MAP1LC3A: variants seen among roughly 807,000 people sequenced by gnomAD.
MAP1LC3A encodes microtubule-associated protein 1 light chain 3 alpha.
In MAP1LC3A, 10 loss-of-function variants were observed where a neutral mutation model predicts 15.2. The observed-to-expected ratio is 0.66, with a 90% CI of 0.41 to 1.12. The LOEUF is 1.12. MAP1LC3A is among the 50% of genes most tolerant of loss of function. The pLI, the probability that MAP1LC3A is intolerant of heterozygous loss-of-function variation, is 0.00. For synonymous variants in MAP1LC3A, 63 were observed against 64.3 expected (o/e 0.98, Z 0.10); for missense variants, 138 against 167.3 (o/e 0.82, Z 0.97).
chr20:34,559,635 T>G (rs1600574628), intron 3 of MAP1LC3A, 101 bp from the exon 4 acceptor site: 8 of 1,346,962 alleles, frequency 5.9e-6, no homozygotes, highest in Non-Finnish European at 8.2e-6. Flanking sequence ...ACAGCTGGGG[T>G]GAGAATGGGT....
intron 3 of MAP1LC3A, 47 bp downstream of exon 3, chr20:34,559,500 G>A: frequency 1.3e-6 from 2 of 1,546,840 alleles, no homozygotes; most frequent in African/African-American, 1.4e-5. Context: ...CGGGAGGGGA[G>A]CCGGGTTCCC....
At chr20:34,559,059 C>A (rs1049425814) in intron 1 of MAP1LC3A, 149 bp from the exon 2 acceptor site, 41 of 1,326,784 alleles carry the variant, frequency 3.1e-5, no homozygotes, top group Middle Eastern at 5.6e-4. Context: ...CCCGCTTCCC[C>A]ACCGCGATAG....
chr20:34,558,177 T>C (rs932241323), upstream of MAP1LC3A: 15 of 976,262 alleles, frequency 1.5e-5, no homozygotes, highest in Non-Finnish European at 1.7e-5. The surrounding 1 kb of genome is among the most constrained non-coding windows in gnomAD (Gnocchi z 4.3). Flanking sequence ...TCTCTTCTGT[T>C]GTCCTTTTCT....
chr20:34,555,320 T>C (rs577075866), upstream of MAP1LC3A, among the ~76,000 whole-genome samples: 12 of 152,118 alleles, frequency 7.9e-5, no homozygotes, highest in South Asian at 2.3e-3. Context: ...AACTTCTGTA[T>C]TTTTAGTAGA....
At position 34,551,467 on chromosome 20, in the gene MAP1LC3A, C is replaced by CTTT. The variant is rs58191574; in HGVS notation, c.52+1458_52+1460dup. On this transcript the variant is annotated intron_variant, in intron 2 of 4. Coordinates refer to the MAP1LC3A transcript ENST00000374837. ...GGAACCTTCCAAGGGGAACGCTGTC[C>CTTT]TTTTTTTTTTTTTTTTTTTTTTGAG... Among the ~76,000 whole-genome samples the CTTT allele has an allele frequency of 9.9e-3, 1,032 of 104,718 alleles. 24 individuals are homozygous for CTTT. The highest frequency in any genetic ancestry group is 0.014 in the East Asian group (47 of 3,336). 68.7% of individuals were successfully genotyped at this position (104,718 alleles called of 152,430 possible).
At chr20:34,556,032 C>T (rs570696044), upstream of MAP1LC3A, among the ~76,000 whole-genome samples, 90 of 151,532 alleles carry the variant, frequency 5.9e-4, no homozygotes, top group Non-Finnish European at 1.1e-3. Context: ...TTAGTAGAGA[C>T]GGGGTTTCAC....
rs973989191 is a variant in MAP1LC3A, at chr20:34,559,992, G to C, written c.*94G>C. 7.3e-7 allele frequency: 1 copy of C among 1,375,070 alleles called. No homozygotes were observed. Among genetic ancestry groups the C allele is most frequent in the East Asian group, 2.4e-5 (1 of 41,508 alleles). The allele number at this position is 1,375,070 out of a possible 1,614,324, so 85.2% of individuals were successfully genotyped here. A position where few individuals can be genotyped will look rare whatever the true frequency, so the allele number is the denominator to read the frequency against. Reference sequence around the variant, plus strand: ...GTTCCTGAACTGAGCTGCCTCTACCGTGGTGGGCTGGGCAGGCATGTGCCC... The same window carrying C: ...GTTCCTGAACTGAGCTGCCTCTACCCTGGTGGGCTGGGCAGGCATGTGCCC... On this transcript the variant is annotated 3_prime_UTR_variant, in exon 4 of 4. Coordinates refer to ENST00000360668, the MANE Select transcript of MAP1LC3A (RefSeq NM_032514.4).
intron 1 of MAP1LC3A, among the ~76,000 whole-genome samples, chr20:34,549,127 G>A (rs535644709): frequency 3.3e-5 from 5 of 152,368 alleles, no homozygotes; most frequent in Admixed American, 1.3e-4. Context: ...CCGGGTTCAA[G>A]TGATTCTTCT....
intron 2 of MAP1LC3A, among the ~76,000 whole-genome samples, chr20:34,550,524 C>T (rs1184552123): frequency 6.6e-6 from 1 of 152,212 alleles, no homozygotes; most frequent in African/African-American, 2.4e-5. Flanking sequence ...CCTTCAAGGG[C>T]TTGCACTTTA....
At chr20:34,552,100 C>T (rs1036513355) in intron 2 of MAP1LC3A, among the ~76,000 whole-genome samples, 2 of 152,052 alleles carry the variant, frequency 1.3e-5, no homozygotes, top group East Asian at 3.9e-4. Flanking sequence ...CAGGTTGAAG[C>T]GATTCTCCTG....
intron 2 of MAP1LC3A, among the ~76,000 whole-genome samples, chr20:34,552,133 G>A (rs1981972338): frequency 1.3e-5 from 2 of 152,220 alleles, no homozygotes. Context: ...CAGTGGCTGG[G>A]ATTACAGGCG....
chr20:34,553,385 G>A (rs938441602), intron 2 of MAP1LC3A, among the ~76,000 whole-genome samples: 1 of 152,044 alleles, frequency 6.6e-6, no homozygotes, highest in Non-Finnish European at 1.5e-5. Flanking sequence ...GGCAGGGGAG[G>A]GACTGAAGGG....
chr20:34,552,502 A>G (rs916721570), intron 2 of MAP1LC3A, among the ~76,000 whole-genome samples: 5 of 152,238 alleles, frequency 3.3e-5, no homozygotes, highest in Admixed American at 3.3e-4. Context: ...TTCCAGGCAA[A>G]GGCCCTGGGG....
chr20:34,559,149 CAGGCGGGGCGGACCTGGGCCGG>C lies in MAP1LC3A; in HGVS notation c.41-58_41-37del. On this transcript the variant is annotated intron_variant, in intron 1 of 3. Transcript: ENST00000360668. ...GTGGCCGGGGGCCGCCCCTCCGGGA[CAGGCGGGGCGGACCTGGGCCGG>C]CCCGACCCGGCCTCACGGTCTGGCC... 4 of 1,459,814 alleles carry C rather than the reference CAGGCGGGGCGGACCTGGGCCGG, an allele frequency of 2.7e-6. No individual in the cohort carries two copies. The South Asian group carries it at 5.9e-5, about 21-fold the overall frequency. 90.4% of individuals were successfully genotyped at this position (1,459,814 alleles called of 1,614,324 possible).
chr20:34,549,112 G>A (rs568616813), intron 1 of MAP1LC3A, among the ~76,000 whole-genome samples: 21 of 152,278 alleles, frequency 1.4e-4, no homozygotes, highest in African/African-American at 4.1e-4. Context: ...TGCAACCTCC[G>A]CCTCCCGGGT....
At chr20:34,555,904 G>A (rs189204404), upstream of MAP1LC3A, among the ~76,000 whole-genome samples, 106 of 150,290 alleles carry the variant, frequency 7.1e-4, 1 homozygote, top group African/African-American at 2.2e-3. Context: ...GTGCAGTGGC[G>A]CGATCTCCAT....
chr20:34,559,219 A>G lies in MAP1LC3A; in HGVS notation c.52A>G (p.Lys18Glu). 1 of 1,602,288 alleles carries G rather than the reference A, an allele frequency of 6.2e-7. No homozygotes were observed. Among genetic ancestry groups the G allele is most frequent in the Non-Finnish European group, 8.5e-7 (1 of 1,175,704 alleles). ...KQRRSFADRC[K>E]EVQQIRDQHP... is the part of the protein sequence containing the mutation. ...GCCGCTGTCCGCAGCCGACCGCTGT[A>G]AGGAGGTACAGCAGATCCGCGACCA... is the stretch of plus-strand genomic sequence containing the variant. The change falls in exon 2 of 4, where the codon AAG (lysine) becomes GAG (glutamate). Residue 18 changes from lysine to glutamate, a missense_variant. Physicochemically the swap from Lys to Glu is moderately conservative, Grantham distance 56. Coordinates refer to ENST00000360668, the MANE Select transcript of MAP1LC3A (RefSeq NM_032514.4).
At chr20:34,558,525 G>A, upstream of MAP1LC3A, 9 of 1,092,994 alleles carry the variant, frequency 8.2e-6, no homozygotes, top group Non-Finnish European at 1.0e-5. This position sits in a 1 kb window ranked among gnomAD's most constrained non-coding sequence, Gnocchi z 4.3. Flanking sequence ...CGGGCTGCGG[G>A]AGAAGCTCCC....
chr20:34,549,863 G>A, intron 1 of MAP1LC3A: 1 of 822,752 alleles, frequency 1.2e-6, no homozygotes, highest in Non-Finnish European at 2.1e-6. Context: ...AGTCCCTCCT[G>A]CCTCCTGCCT....
Sources: gnomAD v4.1 joint callset for allele counts (sites outside exome capture counted in the v4.1 genomes callset) on GRCh38, gnomAD v4.1.1 for gene constraint, Gnocchi (gnomAD v3.1) non-coding constraint, MANE v1.5 for transcripts, NCBI Gene and HGNC (gene_info 2026-07-23, HGNC 2026-07-21) for gene names.